PAM: variants seen among roughly 807,000 people sequenced by gnomAD.
PAM encodes the protein peptidyl-glycine alpha-amidating monooxygenase.
Under a neutral mutation model 122.1 loss-of-function variants are expected in PAM, and 72 were observed. That is an observed-to-expected ratio of 0.59 (90% confidence interval 0.49 to 0.72). The LOEUF (loss-of-function observed/expected upper bound fraction) is 0.72. PAM is among the 30% of genes least tolerant of loss of function. PAM has a pLI of 0.00. For synonymous variants in PAM, 389 were observed against 404.4 expected (o/e 0.96, Z 0.46); for missense variants, 1,106 against 1,183.7 (o/e 0.93, Z 0.96).
rs563180972 is a variant in PAM at position 102,773,844 on chromosome 5, A to C, written c.-374+18496A>C. ...GTCACCCAGGTATTAAGCCCAGTAC[A>C]TAATAGTTATCTTTTCTCTTCCTCT... is the stretch of plus-strand genomic sequence containing the variant. On this transcript the variant is annotated intron_variant, in intron 1 of 25. Coordinates refer to ENST00000438793, the MANE Select transcript of PAM (RefSeq NM_001177306.2). Among the ~76,000 whole-genome samples the C allele has an allele frequency of 7.2e-5, 11 of 152,170 alleles. No individual in the cohort carries two copies. The South Asian group carries it at 2.3e-3, about 32-fold the overall frequency.
intron 3 of PAM, among the ~76,000 whole-genome samples, chr5:102,870,284 A>G (rs1786969930): frequency 6.6e-6 from 1 of 152,170 alleles, no homozygotes; most frequent in Non-Finnish European, 1.5e-5. Flanking sequence ...ATATCAATAC[A>G]TCTTATGTGT....
intron 1 of PAM, among the ~76,000 whole-genome samples, chr5:102,849,118 A>T (rs950405571): frequency 1.7e-4 from 26 of 152,154 alleles, no homozygotes; most frequent in Non-Finnish European, 8.8e-5. Flanking sequence ...AAGAAGACAG[A>T]GGGACAATAT....
Position 103,006,903 on chromosome 5 carries a change from G to T in PAM, c.1906G>T (p.Val636Leu). The change falls in exon 19 of 26, where the codon GTG becomes TTG. Residue 636 changes from valine to leucine, a missense_variant. Val to Leu is a conservative substitution (Grantham distance 32). Coordinates refer to ENST00000438793, the MANE Select transcript of PAM (RefSeq NM_001177306.2). ...GAATCACTTCTGTCAACCCACTGAT[G>T]TGGCTGTGGATCCAGGCACTGGAGC... ...DQNHFCQPTD[V>L]AVDPGTGAIY... 1 of 1,613,844 alleles carries T rather than the reference G, an allele frequency of 6.2e-7. No homozygotes were observed. The highest frequency in any genetic ancestry group is 1.1e-5 in the South Asian group (1 of 91,082).
chr5:102,901,025 C>T (rs1257315883), intron 3 of PAM, among the ~76,000 whole-genome samples: 1 of 151,560 alleles, frequency 6.6e-6, no homozygotes, highest in Non-Finnish European at 1.5e-5. Flanking sequence ...TAACTTCTAC[C>T]ATTTTAAAAT....
intron 3 of PAM, among the ~76,000 whole-genome samples, chr5:102,899,207 G>T (rs937760124): frequency 6.6e-6 from 1 of 151,646 alleles, no homozygotes; most frequent in Non-Finnish European, 1.5e-5. Flanking sequence ...CTAGAAGAAA[G>T]ACATTTTCAA....
At chr5:102,780,148 T>C (rs2149847563) in intron 1 of PAM, among the ~76,000 whole-genome samples, 1 of 152,024 alleles carries the variant, frequency 6.6e-6, no homozygotes, top group Middle Eastern at 3.4e-3. Flanking sequence ...CCACATTACA[T>C]ATGCTACCCA....
At chr5:102,862,169 C>CA (rs57758540) in intron 1 of PAM, among the ~76,000 whole-genome samples, 1,802 of 69,998 alleles carry the variant, frequency 0.026, 25 homozygotes, top group African/African-American at 0.046. Flanking sequence ...GACCCTGTCT[C>CA]AAAAAAAAAA....
At chr5:102,798,017 A>G (rs1270855942) in intron 1 of PAM, among the ~76,000 whole-genome samples, 1 of 152,160 alleles carries the variant, frequency 6.6e-6, no homozygotes, top group Non-Finnish European at 1.5e-5. Flanking sequence ...AGACAATGGC[A>G]TATACTATAT....
chr5:102,881,910 CA>C (rs111416115), intron 3 of PAM, among the ~76,000 whole-genome samples: 20,332 of 150,412 alleles, frequency 0.14, 3,394 homozygotes, highest in African/African-American at 0.39. Flanking sequence ...GCTTAACTCC[CA>C]ACTTATGAGT....
Position 102,913,857 on chromosome 5 carries a change from T to A in PAM, c.269-77T>A, listed in dbSNP as rs1354545649. Reference sequence around the variant, plus strand: ...TTTGTTATACAGGTATTTGAACTGTTCAAAGATGTATTTTATGACTTTGGT... The same window carrying A: ...TTTGTTATACAGGTATTTGAACTGTACAAAGATGTATTTTATGACTTTGGT... On this transcript the variant is annotated intron_variant, in intron 4 of 25. Coordinates refer to ENST00000438793, the MANE Select transcript of PAM (RefSeq NM_001177306.2). The A allele has an allele frequency of 4.9e-6, 4 of 821,462 alleles. No homozygotes were observed. The East Asian group carries it at 9.7e-5, about 20-fold the overall frequency. The allele number at this position is 821,462 out of a possible 1,614,324, so 50.9% of individuals were successfully genotyped here.
At chr5:102,781,957 C>T (rs955845656) in intron 1 of PAM, among the ~76,000 whole-genome samples, 4 of 152,148 alleles carry the variant, frequency 2.6e-5, no homozygotes, top group South Asian at 2.1e-4. Context: ...TGCCCAAGGT[C>T]GTAAGGGTAA....
chr5:102,955,413 C>T (rs897091963), intron 12 of PAM, among the ~76,000 whole-genome samples: 5 of 152,046 alleles, frequency 3.3e-5, no homozygotes, highest in Admixed American at 3.3e-4. Flanking sequence ...ACTCATTATT[C>T]AGTAGTATAA....
intron 23 of PAM, among the ~76,000 whole-genome samples, chr5:103,023,059 A>G (rs1282969048): frequency 6.6e-6 from 1 of 152,122 alleles, no homozygotes; most frequent in Non-Finnish European, 1.5e-5. Context: ...GATAACACTC[A>G]AAATATCAGA....
intron 1 of PAM, among the ~76,000 whole-genome samples, chr5:102,864,186 T>TATATATATATATA (rs34022235): frequency 8.4e-6 from 1 of 119,724 alleles, no homozygotes; most frequent in African/African-American, 3.7e-5. Flanking sequence ...ATATATATAT[T>TATATATATATATA]TTTTTTTTTT....
chr5:102,939,315 C>A (rs1162178574), intron 7 of PAM, among the ~76,000 whole-genome samples: 17 of 152,062 alleles, frequency 1.1e-4, no homozygotes, highest in African/African-American at 4.1e-4. Flanking sequence ...TAAAAACTTT[C>A]AAAACTCTTT....
intron 3 of PAM, among the ~76,000 whole-genome samples, chr5:102,882,414 C>T (rs941959854): frequency 6.6e-6 from 1 of 151,576 alleles, no homozygotes; most frequent in Non-Finnish European, 1.5e-5. Flanking sequence ...TTATTGTGGC[C>T]ATTCTTGCAG....
chr5:102,770,130 T>A (rs956595678), intron 1 of PAM, among the ~76,000 whole-genome samples: 12 of 152,104 alleles, frequency 7.9e-5, no homozygotes, highest in Non-Finnish European at 1.6e-4. Context: ...TAATAGGATT[T>A]TAAAAAATTT....
chr5:102,984,981 T>A (rs1054441556), intron 15 of PAM, among the ~76,000 whole-genome samples: 3 of 151,652 alleles, frequency 2.0e-5, no homozygotes, highest in African/African-American at 7.3e-5. Context: ...CATGACCAAC[T>A]ATTGGGTCAG....
chr5:102,822,751 G>A (rs1433506099), intron 1 of PAM, among the ~76,000 whole-genome samples: 1 of 152,110 alleles, frequency 6.6e-6, no homozygotes, highest in Non-Finnish European at 1.5e-5. Flanking sequence ...CTTAGAAAGA[G>A]CAATTAAACC....
Sources: gnomAD v4.1 joint callset for allele counts (sites outside exome capture counted in the v4.1 genomes callset) on GRCh38, gnomAD v4.1.1 for gene constraint, MANE v1.5 for transcripts, NCBI Gene and HGNC (gene_info 2026-07-23, HGNC 2026-07-21) for gene names.